ACAD10: variants seen among roughly 807,000 people sequenced by gnomAD.
ACAD10 encodes acyl-CoA dehydrogenase family member 10.
Under a neutral mutation model 116.8 loss-of-function variants are expected in ACAD10, and 112 were observed. The observed-to-expected ratio is 0.96, with a 90% CI of 0.82 to 1.12. The LOEUF (loss-of-function observed/expected upper bound fraction) is 1.12. Among genes scored for constraint, ACAD10 ranks in the 50% most tolerant of loss-of-function variants. ACAD10 has a pLI of 0.00. For missense variants in ACAD10, 1,259 were observed against 1,350.2 expected, an observed-to-expected ratio of 0.93 and a Z score of 1.06; for synonymous variants, 486 against 510.6, an observed-to-expected ratio of 0.95 and a Z score of 0.65.
chr12:111,723,554 GC>G (rs1454398960), intron 8 of ACAD10, among the ~76,000 whole-genome samples: 1 of 132,078 alleles, frequency 7.6e-6, no homozygotes, highest in East Asian at 2.4e-4. Context: ...AGGCAGAGGC[GC>G]CCCTCACCTC....
At chr12:111,731,022 C>T (rs577916497) in intron 10 of ACAD10, among the ~76,000 whole-genome samples, 2 of 152,226 alleles carry the variant, frequency 1.3e-5, no homozygotes, top group South Asian at 4.1e-4. Flanking sequence ...AACTCCTGCC[C>T]TCAAGTGATC....
intron 13 of ACAD10, among the ~76,000 whole-genome samples, chr12:111,745,872 C>T (rs1316628762): frequency 7.4e-6 from 1 of 135,108 alleles, no homozygotes; most frequent in Admixed American, 8.1e-5. Flanking sequence ...GACAGGGTCT[C>T]GCTTTGTCAC....
rs551366945 is a variant in ACAD10, at chr12:111,730,933, G to A, written c.1394+977G>A. Among the ~76,000 whole-genome samples, 7 of 151,960 alleles carry A rather than the reference G, an allele frequency of 4.6e-5. No homozygotes were observed. The East Asian group carries it at 1.4e-3, about 29-fold the overall frequency. On this transcript the variant is annotated intron_variant, in intron 10 of 20. Transcript: ENST00000313698. ...TGTGTGGCTAACTTTTGTATTTTTGGTAATCCAAAAATACAATACATTTTT... is the reference window on the plus strand; with the variant it reads ...TGTGTGGCTAACTTTTGTATTTTTGATAATCCAAAAATACAATACATTTTT...
chr12:111,702,084 G>C (rs1231395811), intron 2 of ACAD10, 78 bp from the exon 3 acceptor site: 2 of 1,453,960 alleles, frequency 1.4e-6, no homozygotes, highest in Non-Finnish European at 1.9e-6. Flanking sequence ...GTAGGAACTG[G>C]TATGGTAATT....
rs1422461645 is a variant in ACAD10 at position 111,709,535 on chromosome 12, T to A, written c.541T>A (p.Ser181Thr). The A allele has an allele frequency of 6.3e-7, 1 of 1,594,612 alleles. No individual in the cohort carries two copies. The highest frequency in any genetic ancestry group is 8.5e-7 in the Non-Finnish European group (1 of 1,172,792). ...DRKQFDVIVE[S>T]CMEGICKPDP... is the part of the protein sequence containing the mutation. Reference sequence around the variant, plus strand: ...CCTGTCCCTCCATCAGATTGTGGAGTCCTGCATGGAAGGGATCTGTAAGCC... The same window carrying A: ...CCTGTCCCTCCATCAGATTGTGGAGACCTGCATGGAAGGGATCTGTAAGCC... The change falls in exon 5 of 21, where the codon TCC becomes ACC. Residue 181 changes from serine (S) to threonine (T), a missense_variant. Ser to Thr is a moderately conservative substitution (Grantham distance 58). Transcript: ENST00000313698.
At chr12:111,691,072 CA>C (rs1888026402) in intron 1 of ACAD10, 1 of 152,050 alleles carries the variant, frequency 6.6e-6, no homozygotes, top group Admixed American at 6.6e-5. Context: ...ATAGAAAAGT[CA>C]AAAGAAGTTA....
At chr12:111,739,970 T>A (rs181073904) in intron 12 of ACAD10, among the ~76,000 whole-genome samples, 144 of 152,218 alleles carry the variant, frequency 9.5e-4, no homozygotes, top group African/African-American at 3.0e-3. Flanking sequence ...TGTGGGTTTT[T>A]TAAAAAACAT....
At position 111,692,718 on chromosome 12, in the gene ACAD10, C is replaced by T. The variant is rs1888086901; in HGVS notation, c.9C>T (p.Val3=). 5 of 1,613,516 alleles carry T rather than the reference C, an allele frequency of 3.1e-6. No individual in the cohort carries two copies. Among genetic ancestry groups the T allele is most frequent in the African/African-American group, 2.7e-5 (2 of 74,930 alleles). The change falls in exon 2 of 21, where the codon GTC becomes GTT. Residue 3 remains valine, a synonymous_variant. Transcript: ENST00000313698. The stretch of plus-strand genomic sequence containing the variant: ...ACAGCCTCAGCCTCACCATGTGTGT[C>T]AGGAGCTGTTTCCAGTCCCCCCGTC... MC[V]RSCFQSPRLQ... is the part of the protein sequence containing the mutation.
intron 1 of ACAD10, among the ~76,000 whole-genome samples, chr12:111,691,540 A>G (rs868001359): frequency 1.3e-5 from 2 of 152,196 alleles, no homozygotes; most frequent in South Asian, 4.2e-4. Flanking sequence ...GTGTATGTCC[A>G]GATCATCCCA....
At chr12:111,713,939 A>C (rs564404888) in intron 6 of ACAD10, among the ~76,000 whole-genome samples, 130 of 143,466 alleles carry the variant, frequency 9.1e-4, no homozygotes, top group Non-Finnish European at 1.6e-3. Flanking sequence ...TCCCCCCCCC[A>C]AAAAAAAAAG....
chr12:111,690,115 T>C (rs1334175166), intron 1 of ACAD10, among the ~76,000 whole-genome samples: 3 of 152,188 alleles, frequency 2.0e-5, no homozygotes, highest in African/African-American at 4.8e-5. Flanking sequence ...ATATTCAAGA[T>C]TTACCACTTA....
At chr12:111,751,537 C>G (rs1287675340) in intron 18 of ACAD10, among the ~76,000 whole-genome samples, 1 of 151,956 alleles carries the variant, frequency 6.6e-6, no homozygotes, top group Non-Finnish European at 1.5e-5. Flanking sequence ...TTAAGACCAG[C>G]CTCGCCAACA....
intron 12 of ACAD10, among the ~76,000 whole-genome samples, chr12:111,742,173 A>G (rs891190609): frequency 3.3e-5 from 5 of 152,236 alleles, no homozygotes; most frequent in Non-Finnish European, 7.3e-5. Context: ...CCAAGCTTAT[A>G]CAAGTGACTT....
chr12:111,709,549 G>C lies in ACAD10; in HGVS notation c.555G>C (p.Gly185=). 2 of 1,607,234 alleles carry C rather than the reference G, an allele frequency of 1.2e-6. No individual in the cohort carries two copies. Among genetic ancestry groups the C allele is most frequent in the Non-Finnish European group, 1.7e-6 (2 of 1,177,818 alleles). Residue 185 remains glycine, a synonymous_variant, in exon 5 of 21, where the codon GGG becomes GGC. Transcript: ENST00000313698. The part of the protein sequence containing the change: ...FDVIVESCME[G]ICKPDPRIYK... ...AGATTGTGGAGTCCTGCATGGAAGG[G>C]ATCTGTAAGCCAGACCCTAGGATCT...
At chr12:111,698,775 C>T (rs1888266887) in intron 2 of ACAD10, among the ~76,000 whole-genome samples, 1 of 152,142 alleles carries the variant, frequency 6.6e-6, no homozygotes, top group Non-Finnish European at 1.5e-5. Context: ...TGCGCCCGGC[C>T]GGTCATAACC....
At chr12:111,740,766 G>A (rs1463482531) in intron 12 of ACAD10, among the ~76,000 whole-genome samples, 4 of 128,458 alleles carry the variant, frequency 3.1e-5, no homozygotes, top group Non-Finnish European at 6.2e-5. Flanking sequence ...CCTGGTGACA[G>A]AGCGAGACTC....
At chr12:111,722,533 C>A (rs1462883740) in intron 8 of ACAD10, among the ~76,000 whole-genome samples, 2 of 151,852 alleles carry the variant, frequency 1.3e-5, no homozygotes, top group Non-Finnish European at 1.5e-5. Flanking sequence ...GACCCTGCGG[C>A]CTTCCGCAGT....
chr12:111,748,512 G>T (rs1173110461), intron 17 of ACAD10, 37 bp downstream of exon 17: 1 of 1,609,370 alleles, frequency 6.2e-7, no homozygotes, highest in South Asian at 1.1e-5. Flanking sequence ...CTGGGTGTGG[G>T]TCTGGTCCCC....
intron 2 of ACAD10, among the ~76,000 whole-genome samples, chr12:111,697,025 G>A (rs937548011): frequency 2.0e-5 from 3 of 151,662 alleles, no homozygotes; most frequent in African/African-American, 7.3e-5. Context: ...AGCTTGCAGT[G>A]AGCCTAGATG....
Sources: allele counts gnomAD v4.1 joint callset (sites outside exome capture counted in the v4.1 genomes callset), GRCh38; gene constraint gnomAD v4.1.1; transcripts MANE v1.5; gene names NCBI Gene and HGNC (gene_info 2026-07-23, HGNC 2026-07-21).